Variants in ELMO1 observed in about 807,000 individuals in gnomAD.
ELMO1 encodes engulfment and cell motility protein 1.
Under a neutral mutation model 98.9 loss-of-function variants are expected in ELMO1, and 26 were observed. The ratio of observed to expected loss-of-function variants is 0.26; its 90% confidence interval spans 0.19 to 0.36. The LOEUF (loss-of-function observed/expected upper bound fraction) is 0.36. ELMO1 is among the 10% of genes least tolerant of loss of function. The probability of loss-of-function intolerance (pLI) is 1.00; values close to 1 mark genes in which losing one functional copy is unlikely to be tolerated. For missense variants in ELMO1, 627 were observed against 935.2 expected, an observed-to-expected ratio of 0.67 and a Z score of 4.30; for synonymous variants, 346 against 346.0, an observed-to-expected ratio of 1.00 and a Z score of 0.00.
chr7:37,324,252 A>G (rs1264652132), intron 2 of ELMO1, among the ~76,000 whole-genome samples: 2 of 152,120 alleles, frequency 1.3e-5, no homozygotes, highest in South Asian at 2.1e-4. Flanking sequence ...TGCTGCCCAC[A>G]TTTCTGCCTT....
chr7:37,008,994 C>T lies in ELMO1; in HGVS notation c.1437+4305G>A, dbSNP rs1026231779. ...TTCAAAAGCCCCCAGGTGATTCTGA[C>T]GTACAGCTAAAGCTGAGAAACACTG... On this transcript the variant is annotated intron_variant, in intron 16 of 21. Coordinates refer to ENST00000310758, the MANE Select transcript of ELMO1 (RefSeq NM_014800.11). 7.2e-5 allele frequency among the ~76,000 whole-genome samples: 11 copies of T among 152,276 alleles called. No homozygotes were observed. The East Asian group carries it at 9.6e-4, about 13-fold the overall frequency.
chr7:37,146,441 C>A (rs539328911), intron 13 of ELMO1, among the ~76,000 whole-genome samples: 1 of 152,176 alleles, frequency 6.6e-6, no homozygotes, highest in Non-Finnish European at 1.5e-5. Flanking sequence ...GCCCTTGACT[C>A]CCCCTGTACT....
At chr7:37,376,942 T>C (rs945141215) in intron 1 of ELMO1, among the ~76,000 whole-genome samples, 2 of 152,190 alleles carry the variant, frequency 1.3e-5, no homozygotes, top group Admixed American at 1.3e-4. Flanking sequence ...AATAATCCAT[T>C]ACCAATGCTC....
intron 16 of ELMO1, among the ~76,000 whole-genome samples, chr7:36,966,582 C>T (rs927036535): frequency 3.3e-5 from 5 of 152,168 alleles, no homozygotes; most frequent in Admixed American, 6.5e-5. Context: ...TACAACTTTA[C>T]GTGTAAGTGA....
At chr7:36,896,009 T>C (rs73338240) in intron 16 of ELMO1, among the ~76,000 whole-genome samples, 3,505 of 152,294 alleles carry the variant, frequency 0.023, 124 homozygotes, top group African/African-American at 0.08. Context: ...CATTGGTCAT[T>C]AAGTGGCTGA....
At chr7:37,434,523 A>G (rs1212405396) in intron 1 of ELMO1, among the ~76,000 whole-genome samples, 1 of 152,270 alleles carries the variant, frequency 6.6e-6, no homozygotes, top group African/African-American at 2.4e-5. Context: ...GAGTGATTGT[A>G]CAGTCACATT....
chr7:36,971,613 G>A (rs1388769720), intron 16 of ELMO1, among the ~76,000 whole-genome samples: 2 of 152,188 alleles, frequency 1.3e-5, no homozygotes, highest in Non-Finnish European at 2.9e-5. Flanking sequence ...ATTACCAAGA[G>A]ATCTAAGCCT....
At chr7:37,201,052 C>T (rs1467483568) in intron 13 of ELMO1, among the ~76,000 whole-genome samples, 1 of 151,994 alleles carries the variant, frequency 6.6e-6, no homozygotes, top group Admixed American at 6.6e-5. Flanking sequence ...GGCTCGAATG[C>T]TCCCTACCAT....
intron 15 of ELMO1, among the ~76,000 whole-genome samples, chr7:37,061,871 C>T (rs568695914): frequency 6.8e-4 from 103 of 152,190 alleles, no homozygotes; most frequent in African/African-American, 2.4e-3. Context: ...AGGATTTTAT[C>T]CTTTTCATTC....
intron 7 of ELMO1, among the ~76,000 whole-genome samples, chr7:37,242,620 A>C (rs1377784240): frequency 3.3e-5 from 5 of 152,210 alleles, no homozygotes; most frequent in Non-Finnish European, 7.3e-5. Context: ...TAAAAATCTA[A>C]ATTCTGAAGT....
chr7:37,418,287 T>G (rs552054306), intron 1 of ELMO1, among the ~76,000 whole-genome samples: 1 of 152,200 alleles, frequency 6.6e-6, no homozygotes, highest in East Asian at 1.9e-4. Context: ...TTTAACAGTG[T>G]GTTTTTTAAA....
chr7:36,867,419 T>C (rs1260210224), intron 20 of ELMO1, among the ~76,000 whole-genome samples: 4 of 152,310 alleles, frequency 2.6e-5, no homozygotes, highest in South Asian at 2.1e-4. Flanking sequence ...TTTTCTTGGT[T>C]AGCCAGGCTA....
At chr7:37,425,282 A>G (rs1583739567) in intron 1 of ELMO1, among the ~76,000 whole-genome samples, 1 of 152,190 alleles carries the variant, frequency 6.6e-6, no homozygotes, top group African/African-American at 2.4e-5. Flanking sequence ...AGAGCAGCAG[A>G]GAGCTCTCTT....
At chr7:37,193,035 A>G in intron 13 of ELMO1, among the ~76,000 whole-genome samples, 1 of 147,068 alleles carries the variant, frequency 6.8e-6, no homozygotes, top group African/African-American at 2.5e-5. Context: ...AAAGAGTGGA[A>G]AGAAAAAGTT....
At chr7:37,222,497 A>C in intron 10 of ELMO1, 118 bp downstream of exon 10, 2 of 995,298 alleles carry the variant, frequency 2.0e-6, no homozygotes, top group South Asian at 3.0e-5. Context: ...TGGAGAGTCC[A>C]TCTGTGGCCA....
At chr7:36,862,313 C>T (rs947021410) in intron 20 of ELMO1, among the ~76,000 whole-genome samples, 13 of 152,170 alleles carry the variant, frequency 8.5e-5, no homozygotes, top group African/African-American at 3.1e-4. Flanking sequence ...GACCTTTAAG[C>T]TACTGTACAG....
intron 15 of ELMO1, among the ~76,000 whole-genome samples, chr7:37,048,653 C>G (rs939542363): frequency 6.6e-6 from 1 of 152,220 alleles, no homozygotes; most frequent in African/African-American, 2.4e-5. Flanking sequence ...TTTGAGCGTT[C>G]TCATGGAAAG....
At chr7:37,059,463 T>C (rs546667265) in intron 15 of ELMO1, among the ~76,000 whole-genome samples, 3 of 152,360 alleles carry the variant, frequency 2.0e-5, no homozygotes, top group South Asian at 2.1e-4. Flanking sequence ...TTATGGACTA[T>C]TGTTATATTT....
intron 1 of ELMO1, among the ~76,000 whole-genome samples, chr7:37,360,085 C>CT (rs1194162910): frequency 3.3e-5 from 5 of 152,166 alleles, no homozygotes; most frequent in African/African-American, 1.2e-4. Context: ...GACCTCTAAG[C>CT]TTTTACCTTT....
Sources: gnomAD v4.1 joint callset for allele counts (sites outside exome capture counted in the v4.1 genomes callset) on GRCh38, gnomAD v4.1.1 for gene constraint, MANE v1.5 for transcripts, NCBI Gene and HGNC (gene_info 2026-07-23, HGNC 2026-07-21) for gene names.